ALG14: variants seen among roughly 807,000 people sequenced by gnomAD.
ALG14 encodes the protein UDP-N-acetylglucosamine transferase subunit ALG14.
A neutral mutation model predicts 22.8 loss-of-function variants in ALG14; 17 were observed. That is an observed-to-expected ratio of 0.75 (90% CI 0.51 to 1.12). ALG14 has a LOEUF of 1.12. Among genes scored for constraint, ALG14 ranks in the 50% most tolerant of loss-of-function variants. The pLI is 0.00. For missense variants in ALG14, 288 were observed against 271.8 expected (o/e 1.06, Z -0.42); for synonymous variants, 89 against 103.7 (o/e 0.86, Z 0.86).
intron 3 of ALG14, chr1:94,983,729 T>G (rs1672562929): frequency 6.1e-6 from 1 of 163,784 alleles, no homozygotes; most frequent in South Asian, 1.7e-4. Flanking sequence ...AGAAAATATC[T>G]TTAATTGACT....
At chr1:95,041,358 C>T (rs1674372557) in intron 2 of ALG14, 1 of 152,042 alleles carries the variant, frequency 6.6e-6, no homozygotes, top group Admixed American at 6.6e-5. Flanking sequence ...ACAGTTTAAA[C>T]TATACAGTTA....
At chr1:95,058,685 C>T (rs1315219290) in intron 2 of ALG14, among the ~76,000 whole-genome samples, 5 of 133,772 alleles carry the variant, frequency 3.7e-5, no homozygotes, top group Non-Finnish European at 7.8e-5. Context: ...TCCATATAAC[C>T]TTTCTCAAAA....
intron 2 of ALG14, among the ~76,000 whole-genome samples, chr1:95,036,351 C>A (rs1011434314): frequency 1.3e-5 from 2 of 151,708 alleles, no homozygotes; most frequent in Non-Finnish European, 2.9e-5. Context: ...TGAAGAGGTG[C>A]CTTCCACCAT....
chr1:95,046,620 T>C lies in ALG14; in HGVS notation c.288+18246A>G, dbSNP rs576695093. Among the ~76,000 whole-genome samples, 6 of 152,348 alleles carry C rather than the reference T, an allele frequency of 3.9e-5. No individual in the cohort carries two copies. In the East Asian group the frequency reaches 1.2e-3, roughly 29 times the overall value. ...CCTTTAATGTCAGCAAGTTATTTAA[T>C]TTGGGCTTCTTTATTTCCCATATTT... is the stretch of plus-strand genomic sequence containing the variant. On this transcript the variant is annotated intron_variant, in intron 2 of 3. Coordinates refer to ENST00000370205, the MANE Select transcript of ALG14 (RefSeq NM_144988.4).
intron 2 of ALG14, among the ~76,000 whole-genome samples, chr1:95,039,398 AGGCCTGAC>A (rs777468680): frequency 6.6e-5 from 10 of 152,126 alleles, no homozygotes; most frequent in Non-Finnish European, 1.0e-4. Flanking sequence ...ATGATGCTGA[AGGCCTGAC>A]GGCCAGCAGC....
intron 3 of ALG14, among the ~76,000 whole-genome samples, chr1:94,987,097 C>T (rs1672664248): frequency 6.6e-6 from 1 of 152,122 alleles, no homozygotes; most frequent in Non-Finnish European, 1.5e-5. Flanking sequence ...CATTTTGCCA[C>T]CATGTAGAGA....
rs534067306 is a variant in ALG14, at chr1:94,990,252, GT to G, written c.421-6947del. Among the ~76,000 whole-genome samples the G allele has an allele frequency of 3.3e-3, 498 of 152,310 alleles. 1 individual carries two copies. Among genetic ancestry groups the G allele is most frequent in the African/African-American group, 0.012 (478 of 41,544 alleles). ...GCCGGGCTGAAGCCTGGGAAAGGCA[GT>G]TGCTGAATGTCAGCGATCAGTGGAG... On this transcript the variant is annotated intron_variant, in intron 3 of 3. Transcript: ENST00000370205.
At chr1:95,018,200 G>C (rs1181020078) in intron 3 of ALG14, among the ~76,000 whole-genome samples, 2 of 152,164 alleles carry the variant, frequency 1.3e-5, no homozygotes, top group African/African-American at 2.4e-5. Context: ...AATCAAATGG[G>C]AAGCAAATAT....
chr1:95,055,828 TAAAAAAAAAAAAAA>T (rs35131311), intron 2 of ALG14, among the ~76,000 whole-genome samples: 6 of 33,054 alleles, frequency 1.8e-4, no homozygotes, highest in South Asian at 2.9e-3. Flanking sequence ...CCGTCTCTAC[TAAAAAAAAAAAAAA>T]AAAAAAAAAA....
At chr1:95,019,748 AGGTG>A (rs1673607048) in intron 3 of ALG14, among the ~76,000 whole-genome samples, 1 of 152,162 alleles carries the variant, frequency 6.6e-6, no homozygotes, top group South Asian at 2.1e-4. Context: ...TGGGAGGCCA[AGGTG>A]GGTGGATCAC....
At chr1:95,006,600 A>G (rs1234773558) in intron 3 of ALG14, among the ~76,000 whole-genome samples, 1 of 152,176 alleles carries the variant, frequency 6.6e-6, no homozygotes, top group Non-Finnish European at 1.5e-5. Context: ...CTCCGTTAGA[A>G]TAACTCCAGA....
At chr1:95,030,124 A>G (rs1673952214) in intron 2 of ALG14, among the ~76,000 whole-genome samples, 1 of 152,250 alleles carries the variant, frequency 6.6e-6, no homozygotes, top group African/African-American at 2.4e-5. Context: ...GTGTTTGGAC[A>G]GGTAATATGG....
At chr1:95,033,486 A>AATAT (rs1302705369) in intron 2 of ALG14, among the ~76,000 whole-genome samples, 1 of 149,276 alleles carries the variant, frequency 6.7e-6, no homozygotes, top group Non-Finnish European at 1.5e-5. Context: ...TATATACACA[A>AATAT]ATATATATAT....
At chr1:94,985,592 T>C (rs2100712763) in intron 3 of ALG14, among the ~76,000 whole-genome samples, 1 of 152,342 alleles carries the variant, frequency 6.6e-6, no homozygotes, top group South Asian at 2.1e-4. Context: ...ACAGAAAGAA[T>C]TTCACATTTG....
intron 2 of ALG14, among the ~76,000 whole-genome samples, chr1:95,063,017 T>C (rs918189775): frequency 6.6e-6 from 1 of 152,222 alleles, no homozygotes; most frequent in Non-Finnish European, 1.5e-5. Flanking sequence ...TGGTATCTCA[T>C]TGTGGTTTTG....
Position 94,980,512 on chromosome 1 carries a change from T to C in ALG14, c.*2564A>G, listed in dbSNP as rs1399771985. 6.6e-6 allele frequency: 1 copy of C among 152,202 alleles called. No individual in the cohort carries two copies. The highest frequency in any genetic ancestry group is 1.5e-5 in the Non-Finnish European group (1 of 68,036). 9.4% of individuals were successfully genotyped at this position (152,202 alleles called of 1,614,324 possible). ...AGTAAAAGTTGCATTCAGAGTGTTC[T>C]AAGAGAAACTGGAAGGGACAAGCTA... On this transcript the variant is annotated 3_prime_UTR_variant, in exon 4 of 4. Coordinates refer to ENST00000370205, the MANE Select transcript of ALG14 (RefSeq NM_144988.4).
At chr1:95,034,628 C>T (rs1674123797) in intron 2 of ALG14, among the ~76,000 whole-genome samples, 1 of 152,160 alleles carries the variant, frequency 6.6e-6, no homozygotes, top group African/African-American at 2.4e-5. Context: ...GAACCCAGGT[C>T]TTCCATGTGT....
intron 2 of ALG14, among the ~76,000 whole-genome samples, chr1:95,028,003 A>G (rs1264955178): frequency 6.6e-6 from 1 of 152,274 alleles, no homozygotes; most frequent in Middle Eastern, 3.2e-3. Flanking sequence ...ATATATTAAC[A>G]AATGACATAG....
chr1:95,058,284 G>GAAAAAA (rs56748968), intron 2 of ALG14, among the ~76,000 whole-genome samples: 4 of 20,516 alleles, frequency 1.9e-4, no homozygotes, highest in South Asian at 2.0e-3. Context: ...GACTCCATCT[G>GAAAAAA]AAAAAAAAAA....
Sources: allele counts gnomAD v4.1 joint callset (sites outside exome capture counted in the v4.1 genomes callset), GRCh38; gene constraint gnomAD v4.1.1; transcripts MANE v1.5; gene names NCBI Gene and HGNC (gene_info 2026-07-23, HGNC 2026-07-21).